Variants in ARHGEF10L observed in about 807,000 individuals in gnomAD.
ARHGEF10L encodes the protein rho guanine nucleotide exchange factor 10-like protein.
ARHGEF10L carries 69 observed loss-of-function variants against 141.2 expected under a neutral mutation model. That is an observed-to-expected ratio of 0.49 (90% CI 0.40 to 0.60). The LOEUF is 0.60. Among genes scored for constraint, ARHGEF10L ranks in the 20% least tolerant of loss-of-function variants. ARHGEF10L has a pLI of 0.00. For synonymous variants in ARHGEF10L, 711 were observed against 718.5 expected, an observed-to-expected ratio of 0.99 and a Z score of 0.17; for missense variants, 1,482 against 1,734.3, an observed-to-expected ratio of 0.85 and a Z score of 2.58.
chr1:17,661,346 G>C (rs1401682742), intron 25 of ARHGEF10L, among the ~76,000 whole-genome samples: 2 of 152,220 alleles, frequency 1.3e-5, no homozygotes, highest in Admixed American at 1.3e-4. Flanking sequence ...CCAAAGTGTT[G>C]GGATTACAGG....
At chr1:17,689,709 C>T (rs1258501257) in intron 27 of ARHGEF10L, 1 of 450,276 alleles carries the variant, frequency 2.2e-6, no homozygotes, top group Non-Finnish European at 4.4e-6. Flanking sequence ...CTCTGTATCA[C>T]AAAACTATCT....
At chr1:17,530,953 C>A in the ARHGEF10L span, among the ~76,000 whole-genome samples, 1 of 151,296 alleles carries the variant, frequency 6.6e-6, no homozygotes, top group African/African-American at 2.4e-5. Context: ...TGCAATGAGC[C>A]GAGATCGTGC....
At chr1:17,687,774 C>G (rs200425482) in intron 27 of ARHGEF10L, 27 bp downstream of exon 27, 5 of 1,551,256 alleles carry the variant, frequency 3.2e-6, no homozygotes, top group Non-Finnish European at 4.4e-6. Flanking sequence ...CACGGGGGAG[C>G]GGACAGTCAC....
At chr1:17,684,365 T>C (rs1424031295) in intron 26 of ARHGEF10L, among the ~76,000 whole-genome samples, 1 of 152,142 alleles carries the variant, frequency 6.6e-6, no homozygotes, top group African/African-American at 2.4e-5. Context: ...GCAGCAGATA[T>C]GGGCGGAGGG....
At chr1:17,570,175 G>A (rs2077934883) in intron 1 of ARHGEF10L, among the ~76,000 whole-genome samples, 1 of 152,258 alleles carries the variant, frequency 6.6e-6, no homozygotes, top group African/African-American at 2.4e-5. Flanking sequence ...TGCCATGGGT[G>A]CAGATAAGAG....
intron 9 of ARHGEF10L, among the ~76,000 whole-genome samples, chr1:17,617,862 G>A (rs1033658526): frequency 6.6e-6 from 1 of 152,200 alleles, no homozygotes; most frequent in African/African-American, 2.4e-5. Flanking sequence ...AAGTGGAGGC[G>A]TTTGGTGCCA....
chr1:17,573,575 A>G lies in ARHGEF10L; in HGVS notation c.-43-6978A>G, dbSNP rs1306198497. On this transcript the variant is annotated intron_variant, in intron 1 of 28. Coordinates refer to ENST00000361221, the MANE Select transcript of ARHGEF10L (RefSeq NM_018125.4). This position sits in a 1 kb window ranked among gnomAD's most constrained non-coding sequence, Gnocchi z 4.8. ...GGGGTTAATGTGTCTGGGGGCTGGG[A>G]GGGAAGGAGGAAGAGCAGGAGGAGG... Among the ~76,000 whole-genome samples, 1 of 151,614 alleles carries G rather than the reference A, an allele frequency of 6.6e-6. No individual in the cohort carries two copies. The highest frequency in any genetic ancestry group is 1.5e-5 in the Non-Finnish European group (1 of 67,852).
chr1:17,684,850 T>C (rs2064430013), intron 26 of ARHGEF10L, among the ~76,000 whole-genome samples: 1 of 152,108 alleles, frequency 6.6e-6, no homozygotes, highest in South Asian at 2.1e-4. Context: ...TCCCCTCCTC[T>C]GGGGAGCCTG....
intron 15 of ARHGEF10L, among the ~76,000 whole-genome samples, chr1:17,629,821 G>T (rs1388544949): frequency 6.6e-6 from 1 of 152,188 alleles, no homozygotes; most frequent in African/African-American, 2.4e-5. Context: ...CCCACCTTCG[G>T]CTCCCTCTTC....
At position 17,619,860 on chromosome 1, in the gene ARHGEF10L, C is replaced by T. The variant is rs2060011018; in HGVS notation, c.942+415C>T. On this transcript the variant is annotated intron_variant, in intron 10 of 28. Coordinates refer to ENST00000361221, the MANE Select transcript of ARHGEF10L (RefSeq NM_018125.4). The surrounding 1 kb of genome is among the most constrained non-coding windows in gnomAD (Gnocchi z 5.0). ...GTCCTCACCCTGGGCCTCAGAGCTGCCACAAGCTCCCACCAGGAACTGAGG... is the reference window on the plus strand; with the variant it reads ...GTCCTCACCCTGGGCCTCAGAGCTGTCACAAGCTCCCACCAGGAACTGAGG... 6.6e-6 allele frequency among the ~76,000 whole-genome samples: 1 copy of T among 152,060 alleles called. No homozygotes were observed. The highest frequency in any genetic ancestry group is 2.4e-5 in the African/African-American group (1 of 41,404).
chr1:17,611,969 A>G (rs564884880), intron 7 of ARHGEF10L, among the ~76,000 whole-genome samples: 1 of 148,864 alleles, frequency 6.7e-6, no homozygotes, highest in East Asian at 2.0e-4. Flanking sequence ...CTGTTCTCCC[A>G]TCGGTTTGTC....
intron 2 of ARHGEF10L, among the ~76,000 whole-genome samples, chr1:17,586,379 G>C (rs1557749920): frequency 6.6e-6 from 1 of 152,212 alleles, no homozygotes; most frequent in Non-Finnish European, 1.5e-5. Context: ...GCCCACGAGA[G>C]GGCTGCTTAG....
At chr1:17,670,835 C>T (rs1315068151) in intron 26 of ARHGEF10L, among the ~76,000 whole-genome samples, 1 of 152,236 alleles carries the variant, frequency 6.6e-6, no homozygotes, top group East Asian at 1.9e-4. Flanking sequence ...CTGGCCCCTT[C>T]CCACCACCAG....
intron 4 of ARHGEF10L, among the ~76,000 whole-genome samples, chr1:17,594,253 C>T (rs2079864823): frequency 6.6e-6 from 1 of 152,098 alleles, no homozygotes; most frequent in Non-Finnish European, 1.5e-5. Context: ...ATACAATCTG[C>T]ATTCTAGAGA....
chr1:17,549,190 G>A (rs371864722), intron 1 of ARHGEF10L, among the ~76,000 whole-genome samples: 2 of 147,422 alleles, frequency 1.4e-5, no homozygotes, highest in South Asian at 2.2e-4. Context: ...ACCTGGCTAA[G>A]TTTTGTATTT....
chr1:17,527,529 C>T, the ARHGEF10L span, among the ~76,000 whole-genome samples: 1 of 152,120 alleles, frequency 6.6e-6, no homozygotes, highest in African/African-American at 2.4e-5. Flanking sequence ...CCACCCGTAC[C>T]CCTCACCCGG....
intron 21 of ARHGEF10L, among the ~76,000 whole-genome samples, chr1:17,646,184 T>A (rs868589038): frequency 6.6e-6 from 1 of 152,212 alleles, no homozygotes; most frequent in South Asian, 2.1e-4. Flanking sequence ...ACTTCTCAAA[T>A]AGCATCCTCA....
rs577823641 is a variant in ARHGEF10L at position 17,568,448 on chromosome 1, C to G, written c.-43-12105C>G. ...ACAGAGCTCAGTCTCCTAAAAATCCCTACCCAGGGCATGATGGTGACATGG... is the reference window on the plus strand; with the variant it reads ...ACAGAGCTCAGTCTCCTAAAAATCCGTACCCAGGGCATGATGGTGACATGG... On this transcript the variant is annotated intron_variant, in intron 1 of 28. Transcript: ENST00000361221. 2.8e-4 allele frequency among the ~76,000 whole-genome samples: 43 copies of G among 152,284 alleles called. No individual in the cohort carries two copies. The South Asian group carries it at 8.3e-3, about 29-fold the overall frequency.
intron 26 of ARHGEF10L, among the ~76,000 whole-genome samples, chr1:17,685,044 C>T (rs922951118): frequency 6.6e-6 from 1 of 152,156 alleles, no homozygotes; most frequent in African/African-American, 2.4e-5. Context: ...TCACAAGCTT[C>T]CTTAACTCAG....
Sources: gnomAD v4.1 joint callset for allele counts (sites outside exome capture counted in the v4.1 genomes callset) on GRCh38, gnomAD v4.1.1 for gene constraint, Gnocchi (gnomAD v3.1) non-coding constraint, MANE v1.5 for transcripts, NCBI Gene and HGNC (gene_info 2026-07-23, HGNC 2026-07-21) for gene names.